The following TSNARE1 variants were observed in gnomAD, a reference collection of about 807,000 sequenced individuals.
TSNARE1 encodes t-SNARE domain-containing protein 1.
Under a neutral mutation model 62.0 loss-of-function variants are expected in TSNARE1, and 49 were observed. That is an observed-to-expected ratio of 0.79 (90% CI 0.63 to 1.00). The LOEUF is 1.00. Ranked by LOEUF, TSNARE1 falls within the 50% of genes least tolerant of loss-of-function variation. TSNARE1 has a pLI of 0.00. For synonymous variants in TSNARE1, 328 were observed against 294.4 expected, an observed-to-expected ratio of 1.11 and a Z score of -1.17; for missense variants, 755 against 700.1, an observed-to-expected ratio of 1.08 and a Z score of -0.88.
At chr8:142,318,445 G>A in intron 7 of TSNARE1, 99 bp downstream of exon 7, 2 of 1,209,298 alleles carry the variant, frequency 1.7e-6, no homozygotes, top group Non-Finnish European at 2.4e-6. Flanking sequence ...ACACACGTCA[G>A]CCTCCCTGTA....
chr8:142,278,278 G>C lies in TSNARE1; in HGVS notation c.1364-3415C>G, dbSNP rs570312196. ...CTCTGCCCATGGGTCCCAGCCTCAT[G>C]CACCGCTGTGAGCAGGAGCAGCTGA... On this transcript the variant is annotated intron_variant, in intron 11 of 13. Transcript: ENST00000524325. 96 of 985,470 alleles carry C rather than the reference G, an allele frequency of 9.7e-5. 1 individual carries two copies. The South Asian group carries it at 4.3e-3, about 44-fold the overall frequency. The allele number at this position is 985,470 out of a possible 1,614,324, so 61.0% of individuals were successfully genotyped here. A position where few individuals can be genotyped will look rare whatever the true frequency, so the allele number is the denominator to read the frequency against.
chr8:142,402,256 ACACCGCT>A (rs1435316600), intron 1 of TSNARE1, among the ~76,000 whole-genome samples: 1 of 152,146 alleles, frequency 6.6e-6, no homozygotes, highest in Non-Finnish European at 1.5e-5. Context: ...GAGCCGCACC[ACACCGCT>A]CACAGAACTT....
chr8:142,290,020 G>A lies in TSNARE1; in HGVS notation c.1291-5535C>T, dbSNP rs1197977993. ...GTCCCCCCAGGCACTGTGGGCCCTG[G>A]GCCCTGTGCACCTGGGCAGGCCTCG... is the stretch of plus-strand genomic sequence containing the variant. On this transcript the variant is annotated intron_variant, in intron 10 of 13. Coordinates refer to ENST00000524325, the MANE Select transcript of TSNARE1 (RefSeq NM_145003.5). 6.0e-4 allele frequency among the ~76,000 whole-genome samples: 91 copies of A among 152,292 alleles called. 1 individual carries two copies. Among genetic ancestry groups the A allele is most frequent in the Non-Finnish European group, 4.4e-5 (3 of 68,012 alleles).
chr8:142,213,806 C>G (rs1005091023), intron 13 of TSNARE1, among the ~76,000 whole-genome samples: 4 of 152,202 alleles, frequency 2.6e-5, no homozygotes, highest in Non-Finnish European at 5.9e-5. Context: ...AGGTGGCCCA[C>G]GTGATGTGCA....
At chr8:142,238,911 G>C (rs552163867) in intron 12 of TSNARE1, among the ~76,000 whole-genome samples, 1 of 152,178 alleles carries the variant, frequency 6.6e-6, no homozygotes, top group African/African-American at 2.4e-5. Context: ...AAGCCTCTCA[G>C]ACTTCTGCTC....
rs573278039 is a variant in TSNARE1, at chr8:142,279,797, C to T, written c.1363+4616G>A. ...GTGCAGAAGGCTCAAGCCCACTCGCCGGCCCTGCTTGCCCCAGGGCAGTGT... is the reference window on the plus strand; with the variant it reads ...GTGCAGAAGGCTCAAGCCCACTCGCTGGCCCTGCTTGCCCCAGGGCAGTGT... On this transcript the variant is annotated intron_variant, in intron 11 of 13. Coordinates refer to ENST00000524325, the MANE Select transcript of TSNARE1 (RefSeq NM_145003.5). 3,627 of 876,414 alleles carry T rather than the reference C, an allele frequency of 4.1e-3. 8 individuals carry two copies. Among genetic ancestry groups the T allele is most frequent in the Non-Finnish European group, 4.5e-3 (3,271 of 727,818 alleles). The allele number at this position is 876,414 out of a possible 1,614,324, so 54.3% of individuals were successfully genotyped here. A position where few individuals can be genotyped will look rare whatever the true frequency, so the allele number is the denominator to read the frequency against.
At chr8:142,273,704 G>C in intron 12 of TSNARE1, 1 of 985,412 alleles carries the variant, frequency 1.0e-6, no homozygotes, top group South Asian at 4.7e-5. Flanking sequence ...TCCCACAGTG[G>C]GGGTGCCCGG....
chr8:142,280,146 C>T, intron 11 of TSNARE1: 1 of 1,056,666 alleles, frequency 9.5e-7, no homozygotes, highest in Non-Finnish European at 1.1e-6. Flanking sequence ...AGTGGCGCCG[C>T]ACCCTCTGCA....
intron 9 of TSNARE1, among the ~76,000 whole-genome samples, chr8:142,309,815 C>A (rs1307189482): frequency 6.6e-6 from 1 of 152,206 alleles, no homozygotes; most frequent in East Asian, 1.9e-4. Context: ...CATGTGTAAA[C>A]TGCTGCTAGC....
chr8:142,298,019 C>T (rs986064022), intron 10 of TSNARE1, among the ~76,000 whole-genome samples: 2 of 152,214 alleles, frequency 1.3e-5, no homozygotes, highest in African/African-American at 4.8e-5. Context: ...GGGGCCTGCC[C>T]ACTCTGCACC....
At chr8:142,220,246 T>C (rs1816149018) in intron 13 of TSNARE1, among the ~76,000 whole-genome samples, 1 of 152,074 alleles carries the variant, frequency 6.6e-6, no homozygotes, top group African/African-American at 2.4e-5. Flanking sequence ...GCATGTCCCA[T>C]TTCACAGATG....
chr8:142,285,381 T>C (rs1822541681), intron 10 of TSNARE1, among the ~76,000 whole-genome samples: 1 of 124,884 alleles, frequency 8.0e-6, no homozygotes. Context: ...GATGTATGGA[T>C]GGGTGAATGG....
At chr8:142,326,657 C>T (rs1359135574) in intron 6 of TSNARE1, among the ~76,000 whole-genome samples, 8 of 148,132 alleles carry the variant, frequency 5.4e-5, no homozygotes, top group African/African-American at 1.3e-4. Context: ...CCAGCACCAG[C>T]GAAGGGGAGG....
intron 9 of TSNARE1, among the ~76,000 whole-genome samples, chr8:142,310,143 T>G (rs1204623491): frequency 6.6e-6 from 1 of 152,188 alleles, no homozygotes; most frequent in East Asian, 1.9e-4. Context: ...TAACAACCCT[T>G]TCAAAGAGCC....
chr8:142,228,425 G>A (rs1020919742), intron 13 of TSNARE1, among the ~76,000 whole-genome samples: 6 of 152,208 alleles, frequency 3.9e-5, no homozygotes, highest in Non-Finnish European at 5.9e-5. Context: ...TGCCAGCCAT[G>A]TGTCTCAGTA....
Position 142,314,371 on chromosome 8 carries a change from A to G in TSNARE1, c.1131+13T>C, listed in dbSNP as rs765980479. 3 of 1,612,440 alleles carry G rather than the reference A, an allele frequency of 1.9e-6. No homozygotes were observed. The East Asian group carries it at 6.7e-5, about 36-fold the overall frequency. ...CTAACAGCCACTGACCATGGTCAGT[A>G]CTCGGCACCCACCTGTTTACTGCCC... On this transcript the variant is annotated intron_variant, in intron 9 of 13. Transcript: ENST00000524325.
chr8:142,299,229 A>G (rs906712778), intron 10 of TSNARE1, among the ~76,000 whole-genome samples: 10 of 152,212 alleles, frequency 6.6e-5, no homozygotes, highest in South Asian at 2.1e-4. Flanking sequence ...ACTAAGGGGC[A>G]AGGGAGAAGG....
In TSNARE1 at chr8:142,345,860, G is replaced by A. The variant is rs756193570; in HGVS notation, c.121C>T (p.Arg41Cys). 1.4e-5 allele frequency: 22 copies of A among 1,613,822 alleles called. No homozygotes were observed. The highest frequency in any genetic ancestry group is 6.7e-5 in the Admixed American group (4 of 59,970). Residue 41 changes from arginine (R) to cysteine (C), a missense_variant, in exon 3 of 14, where the codon CGC becomes TGC. By Grantham distance (180) the Arg-to-Cys change is radical (BLOSUM62 -3). Transcript: ENST00000524325. Reference sequence around the variant, plus strand: ...TCTGGCGACGGGCAGGGGAAATGGCGGATTCCATACTCGGTCCAACATCTA... The same window carrying A: ...TCTGGCGACGGGCAGGGGAAATGGCAGATTCCATACTCGGTCCAACATCTA... ...CARCWTEYGI[R>C]HFPCPSPESK... is the part of the protein sequence containing the mutation.
chr8:142,222,121 T>TTCAC lies in TSNARE1; in HGVS notation c.*11+7348_*11+7351dup, dbSNP rs796467400. Among the ~76,000 whole-genome samples, 682 of 107,314 alleles carry TTCAC rather than the reference T, an allele frequency of 6.4e-3. 46 individuals carry two copies. The highest frequency in any genetic ancestry group is 0.011 in the Non-Finnish European group (563 of 52,182). 70.4% of individuals were successfully genotyped at this position (107,314 alleles called of 152,430 possible). A position where few individuals can be genotyped will look rare whatever the true frequency, so the allele number is the denominator to read the frequency against. ...TCCACTCCACTCACTCATCCACTCATTCACTCACTCATCCACTCATTCACT... is the reference window on the plus strand; with the variant it reads ...TCCACTCCACTCACTCATCCACTCATTCACTCACTCACTCATCCACTCATTCACT... On this transcript the variant is annotated intron_variant, in intron 13 of 13. Transcript: ENST00000524325.
Sources: gnomAD v4.1 joint callset for allele counts (sites outside exome capture counted in the v4.1 genomes callset) on GRCh38, gnomAD v4.1.1 for gene constraint, MANE v1.5 for transcripts, NCBI Gene and HGNC (gene_info 2026-07-23, HGNC 2026-07-21) for gene names.